MYO15A: variants seen among roughly 807,000 people sequenced by gnomAD.
MYO15A encodes unconventional myosin-XV.
In MYO15A, 308 loss-of-function variants were observed where a neutral mutation model predicts 394.6. The ratio of observed to expected loss-of-function variants is 0.78; its 90% CI spans 0.71 to 0.86. MYO15A has a LOEUF of 0.86. Among genes scored for constraint, MYO15A ranks in the 40% least tolerant of loss-of-function variants. The probability of loss-of-function intolerance (pLI) is 0.00; values close to 1 mark genes in which losing one functional copy is unlikely to be tolerated. For synonymous variants in MYO15A, 1,957 were observed against 2,003.8 expected (o/e 0.98, Z 0.62); for missense variants, 4,606 against 4,799.1 (o/e 0.96, Z 1.19).
At position 18,152,204 on chromosome 17, in the gene MYO15A, G is replaced by C; in HGVS notation, c.7966+20G>C. 1 of 1,544,322 alleles carries C rather than the reference G, an allele frequency of 6.5e-7. No homozygotes were observed. The highest frequency in any genetic ancestry group is 8.7e-7 in the Non-Finnish European group (1 of 1,146,104). ...CTTCAGGTGAGAGGGCCAGGAGGGA[G>C]GGAGGGGAGGGTGTCCAAGTATATG... On this transcript the variant is annotated intron_variant, in intron 42 of 65. Coordinates refer to ENST00000647165, the MANE Select transcript of MYO15A (RefSeq NM_016239.4).
intron 1 of MYO15A, among the ~76,000 whole-genome samples, chr17:18,111,472 A>G (rs1402379835): frequency 1.3e-5 from 2 of 152,248 alleles, no homozygotes; most frequent in Non-Finnish European, 2.9e-5. Context: ...TGCTTGGCAC[A>G]TAATAGATGC....
At chr17:18,137,967 G>A (rs1361678402) in intron 16 of MYO15A, 148 bp from the exon 17 acceptor site, 2 of 1,164,254 alleles carry the variant, frequency 1.7e-6, no homozygotes, top group African/African-American at 1.6e-5. Flanking sequence ...GGCTCATGCT[G>A]CCTTATTAGG....
rs1303755196 is a variant in MYO15A at position 18,139,022 on chromosome 17, C to T, written c.5133+86C>T. ...ACAGAAGCACAACACTGGCCCCAGA[C>T]ATTCACAGCCAGGTCCAATTCTGGC... is the stretch of plus-strand genomic sequence containing the variant. On this transcript the variant is annotated intron_variant, in intron 18 of 65. Coordinates refer to ENST00000647165, the MANE Select transcript of MYO15A (RefSeq NM_016239.4). 9.1e-6 allele frequency: 14 copies of T among 1,538,950 alleles called. No individual in the cohort carries two copies. The Admixed American group carries it at 9.7e-5, about 11-fold the overall frequency.
At chr17:18,141,341 T>A (rs2046375503) in intron 22 of MYO15A, among the ~76,000 whole-genome samples, 198 bp downstream of exon 22, 1 of 147,432 alleles carries the variant, frequency 6.8e-6, no homozygotes, top group Non-Finnish European at 1.5e-5. Context: ...TTATATGTTG[T>A]ATAACGTATA....
rs1439815756 is a variant in MYO15A, at chr17:18,157,181, C to T, written c.8739C>T (p.Arg2913=). Residue 2913 remains arginine (R), a synonymous_variant, in exon 50 of 66, where the codon CGC becomes CGT. Coordinates refer to ENST00000647165, the MANE Select transcript of MYO15A (RefSeq NM_016239.4). ...RVGYSAGCVV[R]RKVVYLEELR... ...GCTACAGTGCTGGCTGCGTGGTTCG[C>T]AGGAAGGTGGTGTACCTGGAGGAGC... 2 of 1,610,480 alleles carry T rather than the reference C, an allele frequency of 1.2e-6. No individual in the cohort carries two copies. The highest frequency in any genetic ancestry group is 1.7e-6 in the Non-Finnish European group (2 of 1,178,496).
chr17:18,138,665 C>G (rs1372733565), intron 17 of MYO15A, 146 bp from the exon 18 acceptor site: 1 of 1,185,076 alleles, frequency 8.4e-7, no homozygotes, highest in East Asian at 2.6e-5. Flanking sequence ...CCTTCTGACC[C>G]AGGGAGATGG....
chr17:18,141,281 GCTAA>G (rs2046374623), intron 22 of MYO15A, 138 bp downstream of exon 22: 1 of 1,272,014 alleles, frequency 7.9e-7, no homozygotes, highest in Non-Finnish European at 1.1e-6. Flanking sequence ...GCTACCACAT[GCTAA>G]CTGTTAATGT....
Position 18,157,044 on chromosome 17 carries a change from C to T in MYO15A, c.8692C>T (p.Pro2898Ser). Residue 2898 changes from proline to serine, a missense_variant, in exon 49 of 66, where the codon CCC becomes TCC. Pro to Ser is a moderately conservative substitution (Grantham distance 74, BLOSUM62 -1). Coordinates refer to ENST00000647165, the MANE Select transcript of MYO15A (RefSeq NM_016239.4). Reference protein sequence around the residue: ...FHKGDIIHLQPLEPPRVGYSA... With the variant: ...FHKGDIIHLQSLEPPRVGYSA... ...CAAGGGTGACATCATACACCTGCAG[C>T]CCCTAGAGCCACCTCGAGTGGGTCA... 2 of 1,614,150 alleles carry T rather than the reference C, an allele frequency of 1.2e-6. No homozygotes were observed. Among genetic ancestry groups the T allele is most frequent in the South Asian group, 1.1e-5 (1 of 91,090 alleles).
intron 59 of MYO15A, 135 bp from the exon 60 acceptor site, chr17:18,163,607 G>A: frequency 1.2e-6 from 1 of 827,772 alleles, no homozygotes; most frequent in Non-Finnish European, 2.0e-6. Context: ...GATTCTCAGA[G>A]ACCTCAGAGG....
Position 18,147,399 on chromosome 17 carries a change from T to G in MYO15A, c.6510-630T>G, listed in dbSNP as rs968696763. 1.3e-5 allele frequency among the ~76,000 whole-genome samples: 2 copies of G among 152,152 alleles called. No individual in the cohort carries two copies. Among genetic ancestry groups the G allele is most frequent in the Non-Finnish European group, 2.9e-5 (2 of 68,006 alleles). ...TGAGGGCATGGTGCTAGGTTCCCTC[T>G]CTAGCTACTGTGGGCCTGCACCAGT... On this transcript the variant is annotated intron_variant, in intron 30 of 65. Coordinates refer to ENST00000647165, the MANE Select transcript of MYO15A (RefSeq NM_016239.4). The surrounding 1 kb of genome is among the most constrained non-coding windows in gnomAD (Gnocchi z 4.4).
In MYO15A at chr17:18,124,064, A is replaced by G. The variant is rs1048886094; in HGVS notation, c.3610-419A>G. 11 of 282,298 alleles carry G rather than the reference A, an allele frequency of 3.9e-5. No individual in the cohort carries two copies. The East Asian group carries it at 7.8e-4, about 20-fold the overall frequency. The allele number at this position is 282,298 out of a possible 1,614,324, so 17.5% of individuals were successfully genotyped here. A position where few individuals can be genotyped will look rare whatever the true frequency, so the allele number is the denominator to read the frequency against. ...ATGAGCATGGGGTTGTGGTGCTAAGACAGTCTCCATCTCTGCCCTCCTAGA... is the reference window on the plus strand; with the variant it reads ...ATGAGCATGGGGTTGTGGTGCTAAGGCAGTCTCCATCTCTGCCCTCCTAGA... On this transcript the variant is annotated intron_variant, in intron 2 of 65. Transcript: ENST00000647165.
rs1169848984 is a variant in MYO15A, at chr17:18,119,603, G to A, written c.803G>A (p.Ser268Asn). ...TACCTGGCGGGCCTCGGCCCCTACA[G>A]CCCGGCCTGGCCACCCTACGGCGAC... is the stretch of plus-strand genomic sequence containing the variant. ...EPYLAGLGPYSPAWPPYGDHY... is the reference protein window; with the variant it reads ...EPYLAGLGPYNPAWPPYGDHY... Residue 268 changes from serine (S) to asparagine (N), a missense_variant, in exon 2 of 66, where the codon AGC becomes AAC. This residue lies in a region of MYO15A where 1,830 missense variants were observed against 1,689.7 expected (regional missense o/e 1.08). Transcript: ENST00000647165. 1.2e-6 allele frequency: 2 copies of A among 1,603,790 alleles called. No homozygotes were observed. Among genetic ancestry groups the A allele is most frequent in the Non-Finnish European group, 1.7e-6 (2 of 1,179,924 alleles).
At position 18,136,568 on chromosome 17, in the gene MYO15A, C is replaced by T. The variant is rs1487921157; in HGVS notation, c.4661C>T (p.Ala1554Val). ...TVESAVDARD[A>V]IAKVLYALLF... The stretch of plus-strand genomic sequence containing the variant: ...CAGCACCACCTCTGCTCCAGGGACG[C>T]CATCGCCAAGGTCTTGTATGCACTG... Residue 1554 changes from alanine (A) to valine (V), a missense_variant, in exon 15 of 66, where the codon GCC (alanine) becomes GTC (valine). Physicochemically the swap from Ala to Val is moderately conservative, Grantham distance 64 (BLOSUM62 0). Transcript: ENST00000647165. 4 of 1,613,942 alleles carry T rather than the reference C, an allele frequency of 2.5e-6. No homozygotes were observed. Among genetic ancestry groups the T allele is most frequent in the Non-Finnish European group, 3.4e-6 (4 of 1,180,050 alleles).
intron 12 of MYO15A, among the ~76,000 whole-genome samples, chr17:18,134,414 A>C (rs74557068): frequency 4.0e-4 from 61 of 152,348 alleles, no homozygotes; most frequent in Non-Finnish European, 7.3e-4. Context: ...AAACTTCCTA[A>C]AATTGTAACA....
At chr17:18,138,673 TG>T (rs2046323654) in intron 17 of MYO15A, 137 bp from the exon 18 acceptor site, 7 of 1,230,894 alleles carry the variant, frequency 5.7e-6, no homozygotes, top group Admixed American at 2.0e-5. Context: ...CCCAGGGAGA[TG>T]GGCAGCCATG....
Position 18,130,823 on chromosome 17 carries a change from T to TGC in MYO15A, c.4038+14_4038+15insCG. ...CTTGAAGATAAAGGTACTCAGTGTGTGTGTGTGTGTGTGTGTGTGTGTGTG... is the reference window on the plus strand; with the variant it reads ...CTTGAAGATAAAGGTACTCAGTGTGTGCGTGTGTGTGTGTGTGTGTGTGTGTG... On this transcript the variant is annotated intron_variant, in intron 8 of 65. Transcript: ENST00000647165. The TGC allele has an allele frequency of 9.9e-7, 1 of 1,007,560 alleles. No individual in the cohort carries two copies. The highest frequency in any genetic ancestry group is 1.7e-5 in the South Asian group (1 of 58,368). 62.4% of individuals were successfully genotyped at this position (1,007,560 alleles called of 1,614,324 possible). A position where few individuals can be genotyped will look rare whatever the true frequency, so the allele number is the denominator to read the frequency against.
chr17:18,135,718 C>T lies in MYO15A; in HGVS notation c.4490C>T (p.Ala1497Val). 6.2e-7 allele frequency: 1 copy of T among 1,614,056 alleles called. No homozygotes were observed. ...TGTTGGTATTTTGCATAGACGGATG[C>T]ACAGGAGGTGGCCTCAGTGGTGAGT... Reference protein sequence around the residue: ...NVYFEKYETDAQEVASVVSAR... With the variant: ...NVYFEKYETDVQEVASVVSAR... Residue 1497 changes from alanine (A) to valine (V), a missense_variant, in exon 13 of 66, where the codon GCA (alanine) becomes GTA (valine). Physicochemically the swap from Ala to Val is moderately conservative, Grantham distance 64. Transcript: ENST00000647165.
chr17:18,120,187 A>T lies in MYO15A; in HGVS notation c.1387A>T (p.Met463Leu), dbSNP rs201794569. Reference protein sequence around the residue: ...PSAAFFEQQGMDKPARSKLSL... With the variant: ...PSAAFFEQQGLDKPARSKLSL... ...CGCCGCCTTCTTCGAGCAGCAAGGCATGGATAAGCCCGCCAGGTCCAAGCT... is the reference window on the plus strand; with the variant it reads ...CGCCGCCTTCTTCGAGCAGCAAGGCTTGGATAAGCCCGCCAGGTCCAAGCT... Residue 463 changes from methionine (M) to leucine (L), a missense_variant, in exon 2 of 66, where the codon ATG (methionine) becomes TTG (leucine). Met to Leu is a conservative substitution (Grantham distance 15). Coordinates refer to ENST00000647165, the MANE Select transcript of MYO15A (RefSeq NM_016239.4). The T allele has an allele frequency of 1.2e-6, 2 of 1,612,790 alleles. No individual in the cohort carries two copies. The highest frequency in any genetic ancestry group is 1.1e-5 in the South Asian group (1 of 91,096).
At chr17:18,114,307 A>C (rs573017932) in intron 1 of MYO15A, among the ~76,000 whole-genome samples, 1 of 125,676 alleles carries the variant, frequency 8.0e-6, no homozygotes, top group South Asian at 2.5e-4. Flanking sequence ...GCTGGAGTGC[A>C]ATGGCTTCAT....
Sources: allele counts gnomAD v4.1 joint callset (sites outside exome capture counted in the v4.1 genomes callset), GRCh38; gene constraint gnomAD v4.1.1; regional missense constraint gnomAD v4.1.1; non-coding constraint Gnocchi (gnomAD v3.1); transcripts MANE v1.5; gene names NCBI Gene and HGNC (gene_info 2026-07-23, HGNC 2026-07-21).